KCNQ4: variants seen among roughly 807,000 people sequenced by gnomAD.
KCNQ4 encodes the protein potassium voltage-gated channel subfamily Q member 4.
Under a neutral mutation model 72.6 loss-of-function variants are expected in KCNQ4, and 31 were observed. That is an observed-to-expected ratio of 0.43 (90% CI 0.32 to 0.58). The LOEUF (loss-of-function observed/expected upper bound fraction) is 0.58, where lower values mean the gene tolerates loss of function less well. Among genes scored for constraint, KCNQ4 ranks in the 20% least tolerant of loss-of-function variants. The pLI is 0.08. For synonymous variants in KCNQ4, 405 were observed against 403.7 expected, an observed-to-expected ratio of 1.00 and a Z score of -0.04; for missense variants, 869 against 962.6, an observed-to-expected ratio of 0.90 and a Z score of 1.29.
intron 12 of KCNQ4, 145 bp from the exon 13 acceptor site, chr1:40,837,520 A>G (rs758362645): frequency 4.8e-6 from 5 of 1,049,370 alleles, no homozygotes; most frequent in Non-Finnish European, 6.8e-6. Context: ...CCCTCAACTC[A>G]GCCTCCATCT....
At chr1:40,836,271 A>C (rs1648803599) in intron 12 of KCNQ4, among the ~76,000 whole-genome samples, 1 of 152,180 alleles carries the variant, frequency 6.6e-6, no homozygotes. Flanking sequence ...TGGGGTGTTA[A>C]GAGAAAGAAG....
chr1:40,834,321 A>G (rs969206251), intron 11 of KCNQ4, among the ~76,000 whole-genome samples: 2 of 152,118 alleles, frequency 1.3e-5, no homozygotes, highest in African/African-American at 2.4e-5. Flanking sequence ...GGAGACTTTC[A>G]GCCCCACCTC....
Position 40,822,363 on chromosome 1 carries a change from C to T in KCNQ4, c.1091C>T (p.Ala364Val). The change falls in exon 8 of 14, where the codon GCC becomes GTC. Residue 364 changes from alanine to valine, a missense_variant. By Grantham distance (64) the Ala-to-Val change is moderately conservative. Around this residue, in one of 5 missense-constraint regions of KCNQ4, gnomAD observed 480 missense variants for 501.9 expected, o/e 0.96. Transcript: ENST00000347132. Reference protein sequence around the residue: ...STDMSRAYLTATWYYYDSILP... With the variant: ...STDMSRAYLTVTWYYYDSILP... ...GATATGAGCCGGGCCTACCTGACAG[C>T]CACCTGGTACTACTATGACAGTATC... 3 of 1,613,466 alleles carry T rather than the reference C, an allele frequency of 1.9e-6. No homozygotes were observed. Among genetic ancestry groups the T allele is most frequent in the Non-Finnish European group, 2.5e-6 (3 of 1,179,762 alleles).
At position 40,831,134 on chromosome 1, in the gene KCNQ4, G is replaced by A. The variant is rs754553567; in HGVS notation, c.1343G>A (p.Arg448Gln). The A allele has an allele frequency of 1.7e-5, 28 of 1,610,382 alleles. No homozygotes were observed. Among genetic ancestry groups the A allele is most frequent in the Non-Finnish European group, 2.1e-5 (25 of 1,178,644 alleles). ...ATCCGCATGGGCAGCTCCCAGCGGC[G>A]GACGGGTCCTTCCAAGCAGCATCTG... ...DRIRMGSSQR[R>Q]TGPSKQHLAP... The change falls in exon 10 of 14, where the codon CGG (arginine) becomes CAG (glutamine). Residue 448 changes from arginine (R) to glutamine (Q), a missense_variant. Transcript: ENST00000347132.
At chr1:40,837,228 C>A (rs1417137192) in intron 12 of KCNQ4, among the ~76,000 whole-genome samples, 1 of 152,110 alleles carries the variant, frequency 6.6e-6, no homozygotes, top group Non-Finnish European at 1.5e-5. Context: ...GCTGGGACCA[C>A]AGGCATGAGC....
chr1:40,820,111 C>G, intron 6 of KCNQ4, 54 bp from the exon 7 acceptor site: 2 of 1,551,238 alleles, frequency 1.3e-6, no homozygotes, highest in Non-Finnish European at 8.8e-7. Flanking sequence ...CTTGCAGCCT[C>G]TTACTGCCCC....
At chr1:40,801,363 G>C (rs955107481) in intron 1 of KCNQ4, among the ~76,000 whole-genome samples, 1 of 152,124 alleles carries the variant, frequency 6.6e-6, no homozygotes, top group Non-Finnish European at 1.5e-5. Flanking sequence ...TGGGGAGAGG[G>C]GCACTCACCC....
chr1:40,833,709 G>T (rs947924544), intron 11 of KCNQ4, among the ~76,000 whole-genome samples: 3 of 151,266 alleles, frequency 2.0e-5, no homozygotes, highest in Non-Finnish European at 4.4e-5. Context: ...TTTAAAATTA[G>T]AGTCAGGCTG....
rs368081825 is a variant in KCNQ4 at position 40,819,385 on chromosome 1, C to T, written c.747C>T (p.Leu249=). The T allele has an allele frequency of 3.2e-5, 51 of 1,613,808 alleles. No individual in the cohort carries two copies. The highest frequency in any genetic ancestry group is 6.7e-5 in the African/African-American group (5 of 74,894). ...ITAWYIGFLV[L]IFASFLVYLA... ...CCTGGTACATCGGGTTCCTGGTGCTCATCTTCGCCTCCTTCCTGGTCTACC... is the reference window on the plus strand; with the variant it reads ...CCTGGTACATCGGGTTCCTGGTGCTTATCTTCGCCTCCTTCCTGGTCTACC... The change falls in exon 5 of 14, where the codon CTC becomes CTT. Residue 249 remains leucine (L), a synonymous_variant. Transcript: ENST00000347132.
rs773673496 is a variant in KCNQ4, at chr1:40,818,308, G to A, written c.532+18G>A. The A allele has an allele frequency of 6.2e-7, 1 of 1,612,846 alleles. No homozygotes were observed. The highest frequency in any genetic ancestry group is 8.5e-7 in the Non-Finnish European group (1 of 1,179,820). On this transcript the variant is annotated intron_variant, in intron 3 of 13. Coordinates refer to ENST00000347132, the MANE Select transcript of KCNQ4 (RefSeq NM_004700.4). ...TGTCATCGGTAATGAGGCGCGCCCC[G>A]CCCGACCTGACCCCTGACCCCAGGA...
intron 9 of KCNQ4, among the ~76,000 whole-genome samples, chr1:40,828,115 C>T (rs750783838): frequency 7.9e-5 from 12 of 152,190 alleles, no homozygotes; most frequent in Non-Finnish European, 2.9e-5. Flanking sequence ...CTTCAGAAGT[C>T]GTAGGCTGCC....
At position 40,819,544 on chromosome 1, in the gene KCNQ4, T is replaced by A. The variant is rs963993610; in HGVS notation, c.834+72T>A. 24 of 1,591,628 alleles carry A rather than the reference T, an allele frequency of 1.5e-5. No individual in the cohort carries two copies. The African/African-American group carries it at 2.5e-4, about 17-fold the overall frequency. On this transcript the variant is annotated intron_variant, in intron 5 of 13. Transcript: ENST00000347132. ...CTGGGAACTTCCCGAGGTCTGCCCA[T>A]CGTGACTCCTGACTCAGGGTTGAGC...
chr1:40,799,514 C>G (rs1022078992), intron 1 of KCNQ4, among the ~76,000 whole-genome samples: 1 of 152,156 alleles, frequency 6.6e-6, no homozygotes, highest in African/African-American at 2.4e-5. Flanking sequence ...TTGTTTATAC[C>G]AGGACTCCCT....
Position 40,817,114 on chromosome 1 carries a change from G to A in KCNQ4, c.315-151G>A. On this transcript the variant is annotated intron_variant, in intron 1 of 13. Transcript: ENST00000347132. This position sits in a 1 kb window ranked among gnomAD's most constrained non-coding sequence, Gnocchi z 5.5. ...TGCTGCCTTTGGTGCCCAGCACAGA[G>A]CTGTAACTCCAGGGAATTCCAATTC... is the stretch of plus-strand genomic sequence containing the variant. 1.4e-6 allele frequency: 1 copy of A among 697,518 alleles called. No individual in the cohort carries two copies. The highest frequency in any genetic ancestry group is 2.6e-6 in the Non-Finnish European group (1 of 391,088). 43.2% of individuals were successfully genotyped at this position (697,518 alleles called of 1,614,324 possible). A position where few individuals can be genotyped will look rare whatever the true frequency, so the allele number is the denominator to read the frequency against.
rs1399791148 is a variant in KCNQ4 at position 40,838,621 on chromosome 1, C to T, written c.*98C>T. ...CGGACTCCTCTCGTACTTGAACTCACTCCCTCACGGGGAGAGAGACCACAC... is the reference window on the plus strand; with the variant it reads ...CGGACTCCTCTCGTACTTGAACTCATTCCCTCACGGGGAGAGAGACCACAC... On this transcript the variant is annotated 3_prime_UTR_variant, in exon 14 of 14. Transcript: ENST00000347132. 7.0e-6 allele frequency: 8 copies of T among 1,140,770 alleles called. No homozygotes were observed. The East Asian group carries it at 1.7e-4, about 24-fold the overall frequency. The allele number at this position is 1,140,770 out of a possible 1,614,324, so 70.7% of individuals were successfully genotyped here.
At chr1:40,810,133 C>A (rs963215017) in intron 1 of KCNQ4, among the ~76,000 whole-genome samples, 1 of 152,178 alleles carries the variant, frequency 6.6e-6, no homozygotes, top group African/African-American at 2.4e-5. Flanking sequence ...GAATGCTACT[C>A]AAGGCCCCTG....
At chr1:40,819,768 A>G in intron 5 of KCNQ4, 107 bp from the exon 6 acceptor site, 1 of 964,134 alleles carries the variant, frequency 1.0e-6, no homozygotes. Context: ...CCCGTGGGTG[A>G]CCAGGGGCCC....
chr1:40,810,280 C>T (rs1370683403), intron 1 of KCNQ4, among the ~76,000 whole-genome samples: 1 of 152,158 alleles, frequency 6.6e-6, no homozygotes, highest in Non-Finnish European at 1.5e-5. Context: ...TGGGGCACCC[C>T]GACCCCTGTC....
intron 1 of KCNQ4, among the ~76,000 whole-genome samples, chr1:40,800,098 T>C (rs969362648): frequency 3.3e-5 from 5 of 152,068 alleles, no homozygotes; most frequent in African/African-American, 1.2e-4. Context: ...TATGCCTACT[T>C]CCAGGGTCTG....
Sources: gnomAD v4.1 joint callset for allele counts (sites outside exome capture counted in the v4.1 genomes callset) on GRCh38, gnomAD v4.1.1 for gene constraint, gnomAD v4.1.1 regional missense constraint, Gnocchi (gnomAD v3.1) non-coding constraint, MANE v1.5 for transcripts, NCBI Gene and HGNC (gene_info 2026-07-23, HGNC 2026-07-21) for gene names.